ELP5: variants seen among roughly 807,000 people sequenced by gnomAD.
ELP5 encodes elongator acetyltransferase complex subunit 5, also known as elongator complex protein 5.
In ELP5, 34 loss-of-function variants were observed where a neutral mutation model predicts 33.4. The observed-to-expected ratio is 1.02, with a 90% CI of 0.78 to 1.36. The LOEUF is 1.36. Ranked by LOEUF, ELP5 falls within the 40% of genes most tolerant of loss-of-function variation. The probability of loss-of-function intolerance (pLI) is 0.00; values close to 1 mark genes in which losing one functional copy is unlikely to be tolerated. For missense variants in ELP5, 373 were observed against 371.7 expected, an observed-to-expected ratio of 1.00 and a Z score of -0.03; for synonymous variants, 161 against 146.4, an observed-to-expected ratio of 1.10 and a Z score of -0.72.
At chr17:7,258,558 GA>G (rs773523709) in intron 5 of ELP5, 29 bp from the exon 6 acceptor site, 10 of 1,608,372 alleles carry the variant, frequency 6.2e-6, no homozygotes, top group Non-Finnish European at 1.7e-6. Flanking sequence ...TCAGTAAGAT[GA>G]AAAAAACTCT....
intron 5 of ELP5, among the ~76,000 whole-genome samples, 196 bp from the exon 6 acceptor site, chr17:7,258,392 T>A (rs2072125849): frequency 6.7e-6 from 1 of 148,698 alleles, no homozygotes; most frequent in Non-Finnish European, 1.5e-5. Flanking sequence ...GAGGTTGCAG[T>A]GAGCTAAGAT....
chr17:7,256,779 T>G (rs2143001070), intron 4 of ELP5, 78 bp from the exon 5 acceptor site: 6 of 1,447,278 alleles, frequency 4.1e-6, no homozygotes, highest in East Asian at 2.3e-5. Context: ...ATTGTGAGGC[T>G]CTCTCTTCTT....
intron 3 of ELP5, among the ~76,000 whole-genome samples, chr17:7,253,617 T>A (rs1002093312): frequency 6.6e-6 from 1 of 152,240 alleles, no homozygotes; most frequent in African/African-American, 2.4e-5. Flanking sequence ...ACTCAGTGGA[T>A]GATAATAGTA....
At chr17:7,256,752 G>C (rs1206117752) in intron 4 of ELP5, 105 bp from the exon 5 acceptor site, 8 of 1,180,962 alleles carry the variant, frequency 6.8e-6, no homozygotes, top group Middle Eastern at 2.2e-4. Flanking sequence ...TCAGGATTTT[G>C]GCAGCACTGT....
At chr17:7,253,115 G>A (rs1488048435) in intron 3 of ELP5, 117 bp downstream of exon 3, 3 of 1,000,474 alleles carry the variant, frequency 3.0e-6, no homozygotes, top group African/African-American at 1.6e-5. Context: ...ATTCATTGAA[G>A]AATTGGATAT....
At chr17:7,256,646 C>A (rs1454298865) in intron 4 of ELP5, among the ~76,000 whole-genome samples, 1 of 152,142 alleles carries the variant, frequency 6.6e-6, no homozygotes, top group Non-Finnish European at 1.5e-5. Context: ...GAAGTTAGAG[C>A]GGTGCCTTGA....
chr17:7,256,335 T>TC (rs375746484), intron 4 of ELP5, among the ~76,000 whole-genome samples: 5 of 152,118 alleles, frequency 3.3e-5, no homozygotes, highest in African/African-American at 9.7e-5. Flanking sequence ...AGAGCAAGAC[T>TC]CCATCTCGAA....
At chr17:7,256,019 G>T (rs1597584002) in intron 4 of ELP5, among the ~76,000 whole-genome samples, 1 of 151,124 alleles carries the variant, frequency 6.6e-6, no homozygotes, top group African/African-American at 2.4e-5. Context: ...TCACGCCACC[G>T]TACTGCAGCC....
chr17:7,256,951 T>C lies in ELP5; in HGVS notation c.504T>C (p.Ala168=). The change falls in exon 5 of 8, where the codon GCT becomes GCC. Residue 168 remains alanine (A), a synonymous_variant. Coordinates refer to ENST00000396628, the MANE Select transcript of ELP5 (RefSeq NM_203414.3). ...CTGTGGGAGCTCTCAGCAGCCTTGC[T>C]CAGACTGAGGTGACCCTGGGCGGTA... ...PGPVGALSSL[A]QTEVTLGGTM... 6.2e-7 allele frequency: 1 copy of C among 1,613,848 alleles called. No individual in the cohort carries two copies. Among genetic ancestry groups the C allele is most frequent in the South Asian group, 1.1e-5 (1 of 91,080 alleles).
intron 3 of ELP5, among the ~76,000 whole-genome samples, chr17:7,253,686 G>A (rs1045912170): frequency 9.9e-5 from 15 of 152,148 alleles, no homozygotes; most frequent in African/African-American, 3.1e-4. Context: ...TGATAGAGGC[G>A]GTGGTGTATG....
Position 7,252,541 on chromosome 17 carries a change from C to T in ELP5, c.-10C>T, listed in dbSNP as rs749660560. The T allele has an allele frequency of 1.9e-6, 3 of 1,613,826 alleles. No homozygotes were observed. The East Asian group carries it at 6.7e-5, about 36-fold the overall frequency. On this transcript the variant is annotated 5_prime_UTR_variant, in exon 1 of 8. It introduces an in-frame stop codon into an upstream open reading frame of the 5' UTR. Coordinates refer to ENST00000396628, the MANE Select transcript of ELP5 (RefSeq NM_203414.3). ...AGGGCGCCAGAGCAGGGACCGGACG[C>T]GAGTTGGAGATGTTGGACTCGCTGT...
Position 7,258,619 on chromosome 17 carries a change from G to T in ELP5, c.623G>T (p.Ser208Ile), listed in dbSNP as rs760104313. The T allele has an allele frequency of 1.2e-6, 2 of 1,614,138 alleles. No homozygotes were observed. The highest frequency in any genetic ancestry group is 2.2e-5 in the South Asian group (2 of 91,084). Residue 208 changes from serine to isoleucine, a missense_variant, in exon 6 of 8, where the codon AGC (serine) becomes ATC (isoleucine). By Grantham distance (142) the Ser-to-Ile change is moderately radical. Coordinates refer to ENST00000396628, the MANE Select transcript of ELP5 (RefSeq NM_203414.3). ...TGGTTCTCCATCCTTCCGGACTTCA[G>T]CCTGGATCTCCAAGAGGGGCCCTCT... ...TQWFSILPDF[S>I]LDLQEGPSVE...
At chr17:7,253,041 T>C (rs2071987198) in intron 3 of ELP5, 43 bp downstream of exon 3, 2 of 1,588,380 alleles carry the variant, frequency 1.3e-6, no homozygotes, top group Non-Finnish European at 1.7e-6. Context: ...TTGAGACCTA[T>C]AATGCTAAGG....
At chr17:7,253,470 A>G (rs1024511897) in intron 3 of ELP5, among the ~76,000 whole-genome samples, 19 of 152,222 alleles carry the variant, frequency 1.2e-4, no homozygotes, top group Non-Finnish European at 2.1e-4. Flanking sequence ...TTTAGTGGGT[A>G]GAATTTCCAG....
At chr17:7,255,557 C>T (rs1385186625) in intron 4 of ELP5, among the ~76,000 whole-genome samples, 1 of 150,692 alleles carries the variant, frequency 6.6e-6, no homozygotes, top group Non-Finnish European at 1.5e-5. Context: ...TCTTGAAGAG[C>T]AAGAGGTCAT....
rs750365614 is a variant in ELP5, at chr17:7,252,523, C to T, written c.-28C>T. 5 of 1,613,814 alleles carry T rather than the reference C, an allele frequency of 3.1e-6. No homozygotes were observed. In the East Asian group the frequency reaches 8.9e-5, roughly 29 times the overall value. ...GGGTCATGACGCCATCAGAGGGCGC[C>T]AGAGCAGGGACCGGACGCGAGTTGG... On this transcript the variant is annotated 5_prime_UTR_variant, in exon 1 of 8. It introduces an in-frame stop codon into an upstream open reading frame of the 5' UTR. Coordinates refer to ENST00000396628, the MANE Select transcript of ELP5 (RefSeq NM_203414.3).
intron 4 of ELP5, among the ~76,000 whole-genome samples, chr17:7,255,086 AATGGCAAAAT>A (rs2072045753): frequency 6.6e-6 from 1 of 152,160 alleles, no homozygotes; most frequent in South Asian, 2.1e-4. Context: ...AATTCTAGAT[AATGGCAAAAT>A]ACAGACTGAC....
intron 7 of ELP5, 24 bp from the exon 8 acceptor site, chr17:7,259,547 C>G (rs1360227347): frequency 6.2e-7 from 1 of 1,613,832 alleles, no homozygotes; most frequent in South Asian, 1.1e-5. Flanking sequence ...CTACCCTCAC[C>G]AGCACCAAAT....
chr17:7,252,158 G>A (rs1221258351), upstream of ELP5: 2 of 364,904 alleles, frequency 5.5e-6, no homozygotes, highest in Non-Finnish European at 1.0e-5. Flanking sequence ...GCCGCGGGGC[G>A]GGGCCTGAGG....
Sources: gnomAD v4.1 joint callset for allele counts (sites outside exome capture counted in the v4.1 genomes callset) on GRCh38, gnomAD v4.1.1 for gene constraint, MANE v1.5 for transcripts, NCBI Gene and HGNC (gene_info 2026-07-23, HGNC 2026-07-21) for gene names.